Variants in EIF5 observed in about 807,000 individuals in gnomAD.
EIF5 encodes the protein eukaryotic translation initiation factor 5.
In EIF5, 10 loss-of-function variants were observed where a neutral mutation model predicts 48.3. That is an observed-to-expected ratio of 0.21 (90% CI 0.13 to 0.35). The LOEUF (loss-of-function observed/expected upper bound fraction) is 0.35. EIF5 is among the 10% of genes least tolerant of loss of function. The probability of loss-of-function intolerance (pLI) is 1.00; values close to 1 mark genes in which losing one functional copy is unlikely to be tolerated. For synonymous variants in EIF5, 237 were observed against 173.1 expected, an observed-to-expected ratio of 1.37 and a Z score of -2.90; for missense variants, 397 against 533.2, an observed-to-expected ratio of 0.74 and a Z score of 2.51.
At chr14:103,336,450 A>G in intron 4 of EIF5, 1 of 564,802 alleles carries the variant, frequency 1.8e-6, no homozygotes, top group Non-Finnish European at 3.1e-6. Context: ...GCGTGGTGGC[A>G]TGCGCTTGTA....
At chr14:103,340,290 TC>T (rs772692801) in intron 10 of EIF5, 136 bp from the exon 11 acceptor site, 49 of 892,104 alleles carry the variant, frequency 5.5e-5, no homozygotes, top group Non-Finnish European at 8.2e-5. Flanking sequence ...ACTAACGTGT[TC>T]ACTGAGTACA....
At chr14:103,340,349 C>G in intron 10 of EIF5, 78 bp from the exon 11 acceptor site, 2 of 1,495,646 alleles carry the variant, frequency 1.3e-6, no homozygotes, top group South Asian at 1.3e-5. Context: ...GTCCCCTCAG[C>G]TCAGTAAGGG....
rs1444829960 is a variant in EIF5 at position 103,338,372 on chromosome 14, A to G, written c.485A>G (p.Asn162Ser). 6.2e-7 allele frequency: 1 copy of G among 1,614,116 alleles called. No homozygotes were observed. The highest frequency in any genetic ancestry group is 8.5e-7 in the Non-Finnish European group (1 of 1,179,964). ...GGAAAGAAAGAAAAAGAAAAGAAAA[A>G]CAGAAAGGGCAAAGACAAGGAAAAT... ...GTGKKEKEKK[N>S]RKGKDKENGS... Residue 162 changes from asparagine (N) to serine (S), a missense_variant, in exon 7 of 12, where the codon AAC (asparagine) becomes AGC (serine). Asn to Ser is a conservative substitution (Grantham distance 46). Around this residue, in one of 4 missense-constraint regions of EIF5, gnomAD observed 126 missense variants for 141.9 expected, o/e 0.89. Coordinates refer to ENST00000216554, the MANE Select transcript of EIF5 (RefSeq NM_001969.5).
In EIF5 at chr14:103,344,628, C is replaced by G. The variant is rs1389903867; in HGVS notation, c.*3576C>G. 1.3e-5 allele frequency: 2 copies of G among 152,106 alleles called. No homozygotes were observed. Among genetic ancestry groups the G allele is most frequent in the Non-Finnish European group, 2.9e-5 (2 of 68,030 alleles). 9.4% of individuals were successfully genotyped at this position (152,106 alleles called of 1,614,324 possible). ...CCTAATGCTGCAGTCAGAAGCAATG[C>G]CTGGCTGGGGCAGTAGGGGAAATTC... is the stretch of plus-strand genomic sequence containing the variant. On this transcript the variant is annotated 3_prime_UTR_variant, in exon 12 of 12. Coordinates refer to ENST00000216554, the MANE Select transcript of EIF5 (RefSeq NM_001969.5).
In EIF5 at chr14:103,340,572, G is replaced by A. The variant is rs375569734; in HGVS notation, c.1206+11G>A. 5 of 1,606,420 alleles carry A rather than the reference G, an allele frequency of 3.1e-6. No individual in the cohort carries two copies. Among genetic ancestry groups the A allele is most frequent in the Admixed American group, 3.3e-5 (2 of 59,904 alleles). On this transcript the variant is annotated intron_variant, in intron 11 of 11. Coordinates refer to ENST00000216554, the MANE Select transcript of EIF5 (RefSeq NM_001969.5). The stretch of plus-strand genomic sequence containing the variant: ...GATGAGAACATTGAGGTAAACATTG[G>A]GGGAGGAGGGTATTGGATACAGTGC...
intron 6 of EIF5, chr14:103,337,561 C>A: frequency 4.3e-5 from 15 of 346,332 alleles, no homozygotes; most frequent in Non-Finnish European, 6.4e-5. Context: ...GAGATCGTGC[C>A]ACTGCACTCC....
intron 2 of EIF5, chr14:103,334,804 C>T (rs951348511): frequency 4.0e-5 from 6 of 150,710 alleles, no homozygotes; most frequent in Non-Finnish European, 5.9e-5. Flanking sequence ...GTGCCCGCCG[C>T]TCGGGCTGAC....
At chr14:103,336,454 G>T (rs985036946) in intron 4 of EIF5, 2 of 565,306 alleles carry the variant, frequency 3.5e-6, no homozygotes, top group Admixed American at 3.5e-5. Context: ...GGTGGCATGC[G>T]CTTGTAGTCC....
rs1273243864 is a variant in EIF5 at position 103,343,023 on chromosome 14, C to T, written c.*1971C>T. 1.3e-5 allele frequency: 2 copies of T among 152,590 alleles called. No homozygotes were observed. The highest frequency in any genetic ancestry group is 2.9e-5 in the Non-Finnish European group (2 of 68,024). The allele number at this position is 152,590 out of a possible 1,614,324, so 9.5% of individuals were successfully genotyped here. On this transcript the variant is annotated 3_prime_UTR_variant, in exon 12 of 12. Transcript: ENST00000216554. ...CTTAAACCAGTGTTCAGTCTGGTGC[C>T]AAACTTCGAATGGAATACAAATTCA...
chr14:103,338,214 G>T, intron 6 of EIF5, 113 bp from the exon 7 acceptor site: 3 of 1,463,116 alleles, frequency 2.1e-6, no homozygotes, highest in Non-Finnish European at 2.8e-6. Context: ...GTGCTGTGTG[G>T]TTTTTCTGAG....
chr14:103,341,592 A>G lies in EIF5; in HGVS notation c.*540A>G, dbSNP rs1033169152. 7 of 154,272 alleles carry G rather than the reference A, an allele frequency of 4.5e-5. No individual in the cohort carries two copies. Among genetic ancestry groups the G allele is most frequent in the African/African-American group, 1.7e-4 (7 of 41,486 alleles). The allele number at this position is 154,272 out of a possible 1,614,324, so 9.6% of individuals were successfully genotyped here. ...GTAGTTCCTCAAATTGGCATCTGGT[A>G]ATGTACATTGTGAGGTAGACTGATA... On this transcript the variant is annotated 3_prime_UTR_variant, in exon 12 of 12. Transcript: ENST00000216554.
At chr14:103,337,921 C>T in intron 6 of EIF5, 1 of 525,460 alleles carries the variant, frequency 1.9e-6, no homozygotes, top group Non-Finnish European at 3.8e-6. Flanking sequence ...AAAGTCTAAC[C>T]TATTCCGGTG....
At chr14:103,335,202 G>C (rs780088412) in intron 2 of EIF5, 3 of 151,204 alleles carry the variant, frequency 2.0e-5, no homozygotes, top group Admixed American at 6.7e-5. Context: ...CATGGTTGCC[G>C]AAGCAACGAT....
chr14:103,335,521 A>C (rs1417991542), intron 2 of EIF5, 132 bp from the exon 3 acceptor site: 1 of 343,748 alleles, frequency 2.9e-6, no homozygotes, highest in African/African-American at 2.1e-5. Flanking sequence ...GGCTGTTTGC[A>C]TGTGATCTCA....
rs773047451 is a variant in EIF5 at position 103,337,951 on chromosome 14, A to G, written c.440-376A>G. On this transcript the variant is annotated intron_variant, in intron 6 of 11. Transcript: ENST00000216554. ...CCGGTGTTCTCTCTCCCATGAGACA[A>G]GCCGTTATATAGACTTAAACAGTGT... The G allele has an allele frequency of 2.3e-5, 12 of 532,802 alleles. No individual in the cohort carries two copies. In the African/African-American group the frequency reaches 2.3e-4, roughly 10 times the overall value. The allele number at this position is 532,802 out of a possible 1,614,324, so 33.0% of individuals were successfully genotyped here.
In EIF5 at chr14:103,336,717, C is replaced by A. The variant is rs1488939756; in HGVS notation, c.195C>A (p.Thr65=). ...TTGGTTGTGAGCTGGGAGCACAGAC[C>A]CAGTTTGATGTTAAGAATGACCGTT... ...KYFGCELGAQ[T]QFDVKNDRYI... is the part of the protein sequence containing the mutation. Residue 65 remains threonine (T), a synonymous_variant, in exon 5 of 12, where the codon ACC becomes ACA. Transcript: ENST00000216554. 6.2e-7 allele frequency: 1 copy of A among 1,613,392 alleles called. No homozygotes were observed.
At chr14:103,338,564 T>G in intron 7 of EIF5, 92 bp downstream of exon 7, 1 of 1,503,084 alleles carries the variant, frequency 6.7e-7, no homozygotes, top group Non-Finnish European at 8.9e-7. Context: ...AAACTAGCCT[T>G]CAGTGTGTAA....
chr14:103,336,581 CAAAAAA>C lies in EIF5; in HGVS notation c.155-86_155-81del, dbSNP rs35114533. On this transcript the variant is annotated intron_variant, in intron 4 of 11. Coordinates refer to ENST00000216554, the MANE Select transcript of EIF5 (RefSeq NM_001969.5). ...GGGTGACAGAGTGAGACTCTTGTCT[CAAAAAA>C]AAAAAAAAAGTGGTGTTCGTACAAA... 6.0e-4 allele frequency: 689 copies of C among 1,152,778 alleles called. 4 individuals are homozygous for C. The African/African-American group carries it at 0.011, about 18-fold the overall frequency. The allele number at this position is 1,152,778 out of a possible 1,614,324, so 71.4% of individuals were successfully genotyped here.
rs766767850 is a variant in EIF5, at chr14:103,338,313, C to T, written c.440-14C>T. 6.2e-7 allele frequency: 1 copy of T among 1,608,614 alleles called. No homozygotes were observed. Among genetic ancestry groups the T allele is most frequent in the Non-Finnish European group, 8.5e-7 (1 of 1,178,154 alleles). On this transcript the variant is annotated splice_polypyrimidine_tract_variant and intron_variant, in intron 6 of 11. Coordinates refer to ENST00000216554, the MANE Select transcript of EIF5 (RefSeq NM_001969.5). ...GTTATGGGGTTAAATTTTTATTTCC[C>T]TTTTTTTCTGTAGAGAATAGTGACA... is the stretch of plus-strand genomic sequence containing the variant.
Sources: gnomAD v4.1 joint callset for allele counts on GRCh38, gnomAD v4.1.1 for gene constraint, gnomAD v4.1.1 regional missense constraint, MANE v1.5 for transcripts, NCBI Gene and HGNC (gene_info 2026-07-23, HGNC 2026-07-21) for gene names.